The following SMIM10L1 variants were observed in gnomAD, a reference collection of about 807,000 sequenced individuals.
SMIM10L1 encodes the protein small integral membrane protein 10-like protein 1.
SMIM10L1 carries 6 observed loss-of-function variants against 4.5 expected under a neutral mutation model. The ratio of observed to expected loss-of-function variants is 1.33; its 90% CI spans 0.73 to 2.62. The LOEUF (loss-of-function observed/expected upper bound fraction) is 2.62. SMIM10L1 is among the 30% of genes most tolerant of loss of function. The pLI is 0.00. For missense variants in SMIM10L1, 66 were observed against 86.2 expected (o/e 0.77, Z 0.93); for synonymous variants, 49 against 42.2 (o/e 1.16, Z -0.63).
Position 11,173,076 on chromosome 12 carries a change from C to T in SMIM10L1, c.*1513C>T, listed in dbSNP as rs1037114023. On this transcript the variant is annotated 3_prime_UTR_variant, in exon 1 of 1. Coordinates refer to ENST00000622602, the MANE Select transcript of SMIM10L1 (RefSeq NM_001271592.2). Reference sequence around the variant, plus strand: ...AGAAAAGTGCAGAAAAAGTAGTATACGCATTTTTTTTTTCAGGAAAAAATT... The same window carrying T: ...AGAAAAGTGCAGAAAAAGTAGTATATGCATTTTTTTTTTCAGGAAAAAATT... 6.6e-6 allele frequency: 1 copy of T among 151,374 alleles called. No homozygotes were observed. Among genetic ancestry groups the T allele is most frequent in the Non-Finnish European group, 1.5e-5 (1 of 67,882 alleles). 9.4% of individuals were successfully genotyped at this position (151,374 alleles called of 1,614,324 possible).
chr12:11,175,343 T>A lies in SMIM10L1; in HGVS notation c.*3780T>A, dbSNP rs950952694. On this transcript the variant is annotated 3_prime_UTR_variant, in exon 1 of 1. Coordinates refer to ENST00000622602, the MANE Select transcript of SMIM10L1 (RefSeq NM_001271592.2). ...TGTCTGTTCCTGTCCTGAGGATCCCTAACTAAATTTTGTTAGAAAATCTTG... is the reference window on the plus strand; with the variant it reads ...TGTCTGTTCCTGTCCTGAGGATCCCAAACTAAATTTTGTTAGAAAATCTTG... The A allele has an allele frequency of 1.3e-5, 2 of 152,190 alleles. No individual in the cohort carries two copies. Among genetic ancestry groups the A allele is most frequent in the Admixed American group, 6.5e-5 (1 of 15,286 alleles). 9.4% of individuals were successfully genotyped at this position (152,190 alleles called of 1,614,324 possible).
At position 11,175,486 on chromosome 12, in the gene SMIM10L1, T is replaced by C. The variant is rs1389460084; in HGVS notation, c.*3923T>C. 2 of 152,088 alleles carry C rather than the reference T, an allele frequency of 1.3e-5. No individual in the cohort carries two copies. Among genetic ancestry groups the C allele is most frequent in the Admixed American group, 6.5e-5 (1 of 15,274 alleles). The allele number at this position is 152,088 out of a possible 1,614,324, so 9.4% of individuals were successfully genotyped here. A position where few individuals can be genotyped will look rare whatever the true frequency, so the allele number is the denominator to read the frequency against. On this transcript the variant is annotated 3_prime_UTR_variant, in exon 1 of 1. Transcript: ENST00000622602. Reference sequence around the variant, plus strand: ...GGGGTAGGATGAAAGTTGAGGAATATAGGGACAAAAGATGAGGGAAAGGAA... The same window carrying C: ...GGGGTAGGATGAAAGTTGAGGAATACAGGGACAAAAGATGAGGGAAAGGAA...
chr12:11,171,402 A>G lies in SMIM10L1; in HGVS notation c.46A>G (p.Ser16Gly). ...APSSLAVRAS[S>G]PAATPTSYGV... ...GTCCTCCTTGGCCGTCAGGGCCTCAAGCCCCGCCGCGACACCCACCTCGTA... is the reference window on the plus strand; with the variant it reads ...GTCCTCCTTGGCCGTCAGGGCCTCAGGCCCCGCCGCGACACCCACCTCGTA... Residue 16 changes from serine to glycine, a missense_variant, in exon 1 of 1, where the codon AGC (serine) becomes GGC (glycine). Coordinates refer to ENST00000622602, the MANE Select transcript of SMIM10L1 (RefSeq NM_001271592.2). The G allele has an allele frequency of 8.1e-7, 1 of 1,231,946 alleles. No homozygotes were observed. The highest frequency in any genetic ancestry group is 1.0e-6 in the Non-Finnish European group (1 of 987,868). 76.3% of individuals were successfully genotyped at this position (1,231,946 alleles called of 1,614,324 possible). A position where few individuals can be genotyped will look rare whatever the true frequency, so the allele number is the denominator to read the frequency against.
At position 11,175,227 on chromosome 12, in the gene SMIM10L1, G is replaced by C. The variant is rs193087542; in HGVS notation, c.*3664G>C. 1 of 152,100 alleles carries C rather than the reference G, an allele frequency of 6.6e-6. No homozygotes were observed. Among genetic ancestry groups the C allele is most frequent in the South Asian group, 2.1e-4 (1 of 4,822 alleles). The allele number at this position is 152,100 out of a possible 1,614,324, so 9.4% of individuals were successfully genotyped here. ...TGAGGGATATGGGAGCAAAGGGAGA[G>C]AGAGGAAAGAACGTTGTCCTCAGAA... On this transcript the variant is annotated 3_prime_UTR_variant, in exon 1 of 1. Coordinates refer to ENST00000622602, the MANE Select transcript of SMIM10L1 (RefSeq NM_001271592.2).
Position 11,171,805 on chromosome 12 carries a change from C to A in SMIM10L1, c.*242C>A, listed in dbSNP as rs2136492337. The A allele has an allele frequency of 8.4e-6, 3 of 356,044 alleles. No homozygotes were observed. The East Asian group carries it at 1.2e-4, about 15-fold the overall frequency. 22.1% of individuals were successfully genotyped at this position (356,044 alleles called of 1,614,324 possible). On this transcript the variant is annotated 3_prime_UTR_variant, in exon 1 of 1. Transcript: ENST00000622602. The stretch of plus-strand genomic sequence containing the variant: ...CTGCAGTTAAGACCCTCGAAAACAT[C>A]TAAGAAAGTGTGCATCCTAAAACAC...
Position 11,171,803 on chromosome 12 carries a change from A to G in SMIM10L1, c.*240A>G, listed in dbSNP as rs570110955. On this transcript the variant is annotated 3_prime_UTR_variant, in exon 1 of 1. Transcript: ENST00000622602. ...AACTGCAGTTAAGACCCTCGAAAACATCTAAGAAAGTGTGCATCCTAAAAC... is the reference window on the plus strand; with the variant it reads ...AACTGCAGTTAAGACCCTCGAAAACGTCTAAGAAAGTGTGCATCCTAAAAC... 1.7e-5 allele frequency: 6 copies of G among 356,994 alleles called. No homozygotes were observed. In the East Asian group the frequency reaches 2.1e-4, roughly 12 times the overall value. The allele number at this position is 356,994 out of a possible 1,614,324, so 22.1% of individuals were successfully genotyped here.
In SMIM10L1 at chr12:11,173,300, C is replaced by T. The variant is rs1947896491; in HGVS notation, c.*1737C>T. ...CAGCCAAACTCCATTTGGGCACATT[C>T]TCCTATAGCCTTTTCTACCTGAAGA... On this transcript the variant is annotated 3_prime_UTR_variant, in exon 1 of 1. Coordinates refer to ENST00000622602, the MANE Select transcript of SMIM10L1 (RefSeq NM_001271592.2). 1 of 152,120 alleles carries T rather than the reference C, an allele frequency of 6.6e-6. No homozygotes were observed. The allele number at this position is 152,120 out of a possible 1,614,324, so 9.4% of individuals were successfully genotyped here.
At position 11,172,340 on chromosome 12, in the gene SMIM10L1, G is replaced by C. The variant is rs1452530574; in HGVS notation, c.*777G>C. ...TATGGTTACAAAGTGGAGTGCAAAT[G>C]TTATTTACCATGTTTTAAAAATACA... On this transcript the variant is annotated 3_prime_UTR_variant, in exon 1 of 1. Coordinates refer to ENST00000622602, the MANE Select transcript of SMIM10L1 (RefSeq NM_001271592.2). 1.3e-5 allele frequency: 2 copies of C among 151,830 alleles called. No individual in the cohort carries two copies. The highest frequency in any genetic ancestry group is 6.6e-5 in the Admixed American group (1 of 15,236). The allele number at this position is 151,830 out of a possible 1,614,324, so 9.4% of individuals were successfully genotyped here.
rs1259739090 is a variant in SMIM10L1, at chr12:11,173,537, T to C, written c.*1974T>C. 6.6e-6 allele frequency: 1 copy of C among 152,188 alleles called. No homozygotes were observed. The highest frequency in any genetic ancestry group is 6.5e-5 in the Admixed American group (1 of 15,282). 9.4% of individuals were successfully genotyped at this position (152,188 alleles called of 1,614,324 possible). A position where few individuals can be genotyped will look rare whatever the true frequency, so the allele number is the denominator to read the frequency against. On this transcript the variant is annotated 3_prime_UTR_variant, in exon 1 of 1. Coordinates refer to ENST00000622602, the MANE Select transcript of SMIM10L1 (RefSeq NM_001271592.2). ...TAAGCCAAAACATTTTAGTCTAAAATATCAGAAGTGTAGTTTAATCAATGA... is the reference window on the plus strand; with the variant it reads ...TAAGCCAAAACATTTTAGTCTAAAACATCAGAAGTGTAGTTTAATCAATGA...
Position 11,171,237 on chromosome 12 carries a change from G to T in SMIM10L1, c.-120G>T. 1 of 589,198 alleles carries T rather than the reference G, an allele frequency of 1.7e-6. No individual in the cohort carries two copies. Among genetic ancestry groups the T allele is most frequent in the Non-Finnish European group, 2.5e-6 (1 of 401,148 alleles). The allele number at this position is 589,198 out of a possible 1,614,324, so 36.5% of individuals were successfully genotyped here. The stretch of plus-strand genomic sequence containing the variant: ...ACCGAGCGGCGGCAGCGGCAAGCTT[G>T]GGTGTGAGCCCGGGAGCCGCTTTGC... On this transcript the variant is annotated 5_prime_UTR_variant, in exon 1 of 1. Coordinates refer to ENST00000622602, the MANE Select transcript of SMIM10L1 (RefSeq NM_001271592.2).
rs1947840954 is a variant in SMIM10L1 at position 11,171,431 on chromosome 12, C to T, written c.75C>T (p.Gly25=). 1.6e-6 allele frequency: 2 copies of T among 1,231,948 alleles called. No individual in the cohort carries two copies. The highest frequency in any genetic ancestry group is 3.1e-5 in the African/African-American group (2 of 64,412). 76.3% of individuals were successfully genotyped at this position (1,231,948 alleles called of 1,614,324 possible). A position where few individuals can be genotyped will look rare whatever the true frequency, so the allele number is the denominator to read the frequency against. Reference sequence around the variant, plus strand: ...CCGCCGCGACACCCACCTCGTACGGCGTCTTCTGCAAGGGGCTCTCCCGCA... The same window carrying T: ...CCGCCGCGACACCCACCTCGTACGGTGTCTTCTGCAAGGGGCTCTCCCGCA... ...SSPAATPTSY[G]VFCKGLSRTL... The change falls in exon 1 of 1, where the codon GGC becomes GGT. Residue 25 remains glycine (G), a synonymous_variant. Transcript: ENST00000622602.
At position 11,171,340 on chromosome 12, in the gene SMIM10L1, G is replaced by T; in HGVS notation, c.-17G>T. 6.5e-6 allele frequency: 8 copies of T among 1,230,334 alleles called. No homozygotes were observed. The highest frequency in any genetic ancestry group is 8.1e-6 in the Non-Finnish European group (8 of 986,622). The allele number at this position is 1,230,334 out of a possible 1,614,324, so 76.2% of individuals were successfully genotyped here. On this transcript the variant is annotated 5_prime_UTR_variant, in exon 1 of 1. Coordinates refer to ENST00000622602, the MANE Select transcript of SMIM10L1 (RefSeq NM_001271592.2). ...AACCCTCGCTACAGACGCTGGGCGGGCGGCGACACCTGGCTCATGGCCCCC... is the reference window on the plus strand; with the variant it reads ...AACCCTCGCTACAGACGCTGGGCGGTCGGCGACACCTGGCTCATGGCCCCC...
At position 11,171,455 on chromosome 12, in the gene SMIM10L1, C is replaced by T. The variant is rs1947841794; in HGVS notation, c.99C>T (p.Arg33=). 3.2e-6 allele frequency: 4 copies of T among 1,232,240 alleles called. No individual in the cohort carries two copies. The South Asian group carries it at 1.6e-4, about 51-fold the overall frequency. The allele number at this position is 1,232,240 out of a possible 1,614,324, so 76.3% of individuals were successfully genotyped here. Residue 33 remains arginine, a synonymous_variant, in exon 1 of 1, where the codon CGC becomes CGT. Coordinates refer to ENST00000622602, the MANE Select transcript of SMIM10L1 (RefSeq NM_001271592.2). Reference sequence around the variant, plus strand: ...GCGTCTTCTGCAAGGGGCTCTCCCGCACCCTGCTCGCCTTCTTCGAGCTGG... The same window carrying T: ...GCGTCTTCTGCAAGGGGCTCTCCCGTACCCTGCTCGCCTTCTTCGAGCTGG... ...SYGVFCKGLS[R]TLLAFFELAW... is the part of the protein sequence containing the mutation.
At position 11,174,686 on chromosome 12, in the gene SMIM10L1, T is replaced by G. The variant is rs1189672929; in HGVS notation, c.*3123T>G. The G allele has an allele frequency of 6.7e-6, 1 of 149,828 alleles. No individual in the cohort carries two copies. The highest frequency in any genetic ancestry group is 1.5e-5 in the Non-Finnish European group (1 of 67,082). 9.3% of individuals were successfully genotyped at this position (149,828 alleles called of 1,614,324 possible). On this transcript the variant is annotated 3_prime_UTR_variant, in exon 1 of 1. Coordinates refer to ENST00000622602, the MANE Select transcript of SMIM10L1 (RefSeq NM_001271592.2). ...CCTAAGGGATAGGGGAAAAGTTGTT[T>G]TTTTTTTTTTAATTCTGGGTAAAAA...
In SMIM10L1 at chr12:11,173,137, A is replaced by G. The variant is rs1947892071; in HGVS notation, c.*1574A>G. On this transcript the variant is annotated 3_prime_UTR_variant, in exon 1 of 1. Coordinates refer to ENST00000622602, the MANE Select transcript of SMIM10L1 (RefSeq NM_001271592.2). ...CCACTAAGAGGGGTAAAGTGTTAAA[A>G]TAGTTGCATTGTTCTATATTCCACT... The G allele has an allele frequency of 6.6e-6, 1 of 152,190 alleles. No individual in the cohort carries two copies. Among genetic ancestry groups the G allele is most frequent in the African/African-American group, 2.4e-5 (1 of 41,456 alleles). 9.4% of individuals were successfully genotyped at this position (152,190 alleles called of 1,614,324 possible).
In SMIM10L1 at chr12:11,172,025, GAAAAC is replaced by G. The variant is rs1457214583; in HGVS notation, c.*465_*469del. 6.6e-6 allele frequency: 1 copy of G among 152,244 alleles called. No individual in the cohort carries two copies. Among genetic ancestry groups the G allele is most frequent in the African/African-American group, 2.4e-5 (1 of 41,406 alleles). The allele number at this position is 152,244 out of a possible 1,614,324, so 9.4% of individuals were successfully genotyped here. A position where few individuals can be genotyped will look rare whatever the true frequency, so the allele number is the denominator to read the frequency against. On this transcript the variant is annotated 3_prime_UTR_variant, in exon 1 of 1. Coordinates refer to ENST00000622602, the MANE Select transcript of SMIM10L1 (RefSeq NM_001271592.2). ...AAGGTACATATTTCATCCCACAAGA[GAAAAC>G]AATAATAATCAGAAATTTTCGGTGA...
In SMIM10L1 at chr12:11,174,328, A is replaced by G. The variant is rs897924856; in HGVS notation, c.*2765A>G. ...TATCCCCAAGCCTAGAGCACTGCCC[A>G]GTGCGGAATAGCTAATAAATATTGT... is the stretch of plus-strand genomic sequence containing the variant. On this transcript the variant is annotated 3_prime_UTR_variant, in exon 1 of 1. Coordinates refer to ENST00000622602, the MANE Select transcript of SMIM10L1 (RefSeq NM_001271592.2). 6.6e-6 allele frequency: 1 copy of G among 152,168 alleles called. No homozygotes were observed. Among genetic ancestry groups the G allele is most frequent in the African/African-American group, 2.4e-5 (1 of 41,432 alleles). 9.4% of individuals were successfully genotyped at this position (152,168 alleles called of 1,614,324 possible). A position where few individuals can be genotyped will look rare whatever the true frequency, so the allele number is the denominator to read the frequency against.
Position 11,172,054 on chromosome 12 carries a change from G to T in SMIM10L1, c.*491G>T, listed in dbSNP as rs1947865414. ...ACAATAATAATCAGAAATTTTCGGTGAAAAAAACGCAAAACTGTACAGGAA... is the reference window on the plus strand; with the variant it reads ...ACAATAATAATCAGAAATTTTCGGTTAAAAAAACGCAAAACTGTACAGGAA... On this transcript the variant is annotated 3_prime_UTR_variant, in exon 1 of 1. Coordinates refer to ENST00000622602, the MANE Select transcript of SMIM10L1 (RefSeq NM_001271592.2). 6.6e-6 allele frequency: 1 copy of T among 152,052 alleles called. No homozygotes were observed. The highest frequency in any genetic ancestry group is 1.5e-5 in the Non-Finnish European group (1 of 68,024). 9.4% of individuals were successfully genotyped at this position (152,052 alleles called of 1,614,324 possible).
At position 11,171,749 on chromosome 12, in the gene SMIM10L1, A is replaced by G. The variant is rs1201497223; in HGVS notation, c.*186A>G. The G allele has an allele frequency of 7.5e-6, 3 of 400,238 alleles. No individual in the cohort carries two copies. Among genetic ancestry groups the G allele is most frequent in the Non-Finnish European group, 1.3e-5 (3 of 229,416 alleles). 24.8% of individuals were successfully genotyped at this position (400,238 alleles called of 1,614,324 possible). ...GGGCGGCCGGGAGCCTACAATCCCT[A>G]GAAAGAGAATACGCTGTTCCGGAAA... On this transcript the variant is annotated 3_prime_UTR_variant, in exon 1 of 1. Transcript: ENST00000622602.
Sources: allele counts gnomAD v4.1 joint callset, GRCh38; gene constraint gnomAD v4.1.1; transcripts MANE v1.5; gene names NCBI Gene and HGNC (gene_info 2026-07-23, HGNC 2026-07-21).